PDE4D: variants seen among roughly 807,000 people sequenced by gnomAD.
PDE4D encodes 3',5'-cyclic-AMP phosphodiesterase 4D.
PDE4D carries 24 observed loss-of-function variants against 87.4 expected under a neutral mutation model. That is an observed-to-expected ratio of 0.27 (90% CI 0.20 to 0.39). The LOEUF (loss-of-function observed/expected upper bound fraction) is 0.39, where lower values mean the gene tolerates loss of function less well. Ranked by LOEUF, PDE4D falls within the 10% of genes least tolerant of loss-of-function variation. The pLI is 1.00. For synonymous variants in PDE4D, 384 were observed against 383.2 expected (o/e 1.00, Z -0.02); for missense variants, 714 against 1,041.0 (o/e 0.69, Z 4.32).
At chr5:59,962,339 AT>A (rs1333154288) in intron 3 of PDE4D, among the ~76,000 whole-genome samples, 1 of 152,088 alleles carries the variant, frequency 6.6e-6, no homozygotes, top group Non-Finnish European at 1.5e-5. Context: ...ACAATTTTTA[AT>A]TTTTTTCTGA....
intron 1 of PDE4D, among the ~76,000 whole-genome samples, chr5:59,800,711 G>C (rs1767028284): frequency 6.6e-6 from 1 of 151,272 alleles, no homozygotes; most frequent in Non-Finnish European, 1.5e-5. Flanking sequence ...TGAGCTCACA[G>C]TCAGCAAAGC....
intron 2 of PDE4D, among the ~76,000 whole-genome samples, chr5:60,147,181 G>T (rs557159590): frequency 6.6e-6 from 1 of 152,220 alleles, no homozygotes; most frequent in Admixed American, 6.5e-5. Flanking sequence ...CAGGCAAAGC[G>T]TGAACTCTCT....
At chr5:60,318,270 G>T (rs1278444107) in intron 1 of PDE4D, among the ~76,000 whole-genome samples, 1 of 152,084 alleles carries the variant, frequency 6.6e-6, no homozygotes, top group Non-Finnish European at 1.5e-5. Context: ...ATCTTTGTTG[G>T]TTTAAAGTCT....
chr5:59,514,694 T>A (rs1035516768), intron 1 of PDE4D, among the ~76,000 whole-genome samples: 3 of 152,154 alleles, frequency 2.0e-5, no homozygotes, highest in African/African-American at 7.2e-5. Context: ...ACCAACGAAT[T>A]TTATCACTTA....
At chr5:60,130,896 C>T (rs1269003979) in intron 2 of PDE4D, among the ~76,000 whole-genome samples, 3 of 152,176 alleles carry the variant, frequency 2.0e-5, no homozygotes, top group African/African-American at 7.2e-5. Flanking sequence ...ACTTATATGA[C>T]TTGTCTATGG....
chr5:59,841,495 A>C (rs1742985862), intron 1 of PDE4D, among the ~76,000 whole-genome samples: 1 of 152,078 alleles, frequency 6.6e-6, no homozygotes, highest in South Asian at 2.1e-4. Flanking sequence ...TAGATTTTTC[A>C]TTACATATAC....
At chr5:59,552,822 A>G in intron 1 of PDE4D, among the ~76,000 whole-genome samples, 1 of 152,198 alleles carries the variant, frequency 6.6e-6, no homozygotes, top group South Asian at 2.1e-4. Flanking sequence ...AAAATGCAAG[A>G]TTCAATTTAC....
At chr5:59,988,213 A>C in intron 3 of PDE4D, 1 of 326,568 alleles carries the variant, frequency 3.1e-6, no homozygotes, top group Non-Finnish European at 5.6e-6. Context: ...CATATGGCCA[A>C]TATTAATTTT....
chr5:59,619,996 G>A (rs111553560), intron 1 of PDE4D, among the ~76,000 whole-genome samples: 1,982 of 152,210 alleles, frequency 0.013, 31 homozygotes, highest in East Asian at 0.042. Context: ...CTTAGTCCAT[G>A]GCTAAAGCTG....
chr5:59,502,277 T>C (rs1347737885), intron 1 of PDE4D, among the ~76,000 whole-genome samples: 1 of 152,146 alleles, frequency 6.6e-6, no homozygotes, highest in Non-Finnish European at 1.5e-5. Context: ...CATTAACAGA[T>C]AAGTCTTTCT....
chr5:59,756,280 A>G (rs1489763372), intron 1 of PDE4D, among the ~76,000 whole-genome samples: 1 of 152,138 alleles, frequency 6.6e-6, no homozygotes, highest in Non-Finnish European at 1.5e-5. Context: ...GATAAGGATT[A>G]GTCATCAGAA....
chr5:59,430,282 GA>G, intron 1 of PDE4D: 1 of 1,231,060 alleles, frequency 8.1e-7, no homozygotes, highest in Non-Finnish European at 1.0e-6. Context: ...TAGAGGAAAG[GA>G]AAGCAGTTAC....
intron 5 of PDE4D, among the ~76,000 whole-genome samples, chr5:59,078,019 G>C (rs762992806): frequency 2.6e-5 from 4 of 152,120 alleles, no homozygotes; most frequent in Non-Finnish European, 4.4e-5. Context: ...AATATTCTGT[G>C]CTCCAGAAAC....
intron 1 of PDE4D, among the ~76,000 whole-genome samples, chr5:59,322,258 G>A (rs1427783766): frequency 2.0e-5 from 3 of 152,034 alleles, no homozygotes; most frequent in African/African-American, 7.2e-5. Context: ...TATTGCTTTA[G>A]TTCTTATCAT....
chr5:59,977,320 G>C (rs1368370021), intron 3 of PDE4D, among the ~76,000 whole-genome samples: 2 of 152,212 alleles, frequency 1.3e-5, no homozygotes, highest in Non-Finnish European at 2.9e-5. Flanking sequence ...GAAAACTTCA[G>C]TGGTCTGGAT....
chr5:59,444,408 C>T (rs1279104633), intron 1 of PDE4D, among the ~76,000 whole-genome samples: 1 of 152,114 alleles, frequency 6.6e-6, no homozygotes, highest in Non-Finnish European at 1.5e-5. Flanking sequence ...TGAGTTTGTC[C>T]AACATATTTT....
In PDE4D at chr5:59,583,528, G is replaced by T. The variant is rs184618802; in HGVS notation, c.455+309640C>A. Among the ~76,000 whole-genome samples the T allele has an allele frequency of 2.6e-5, 4 of 152,282 alleles. No homozygotes were observed. In the East Asian group the frequency reaches 7.7e-4, roughly 29 times the overall value. ...AAAAGTGTAATGGAAAGAAGCCTTC[G>T]CAATAAAATCCTCCAGCTAATATTT... On this transcript the variant is annotated intron_variant, in intron 1 of 14. Coordinates refer to ENST00000340635, the MANE Select transcript of PDE4D (RefSeq NM_001104631.2).
chr5:60,314,936 T>A (rs563647732), intron 1 of PDE4D, among the ~76,000 whole-genome samples: 6 of 152,226 alleles, frequency 3.9e-5, no homozygotes, highest in Admixed American at 3.3e-4. Flanking sequence ...GAATAGTGCC[T>A]CAATAAACAT....
rs148322082 is a variant in PDE4D, at chr5:59,043,027, G to A, written c.809-4056C>T. On this transcript the variant is annotated intron_variant, in intron 5 of 14. Transcript: ENST00000340635. ...AACTCACAGTGATGTTGACCATTGA[G>A]GTAAAAGGATCCACTGTACGGGATG... Among the ~76,000 whole-genome samples, 91 of 152,314 alleles carry A rather than the reference G, an allele frequency of 6.0e-4. No homozygotes were observed. In the East Asian group the frequency reaches 0.013, roughly 22 times the overall value.
Sources: gnomAD v4.1 joint callset for allele counts (sites outside exome capture counted in the v4.1 genomes callset) on GRCh38, gnomAD v4.1.1 for gene constraint, MANE v1.5 for transcripts, NCBI Gene and HGNC (gene_info 2026-07-23, HGNC 2026-07-21) for gene names.